The following DLG2 variants were observed in gnomAD, a reference collection of about 807,000 sequenced individuals.
The protein encoded by DLG2 is disks large homolog 2.
Under a neutral mutation model 132.5 loss-of-function variants are expected in DLG2, and 45 were observed. That is an observed-to-expected ratio of 0.34 (90% CI 0.27 to 0.44). The LOEUF is 0.44. Among genes scored for constraint, DLG2 ranks in the 20% least tolerant of loss-of-function variants. The pLI, the probability that DLG2 is intolerant of heterozygous loss-of-function variation, is 1.00. For missense variants in DLG2, 1,045 were observed against 1,196.9 expected (o/e 0.87, Z 1.87); for synonymous variants, 424 against 419.6 (o/e 1.01, Z -0.13).
intron 8 of DLG2, among the ~76,000 whole-genome samples, chr11:84,178,379 C>G (rs2096026621): frequency 6.6e-6 from 1 of 152,054 alleles, no homozygotes; most frequent in Admixed American, 6.6e-5. Context: ...GCTTTGAGAG[C>G]TCCTATATTT....
At chr11:84,171,694 G>T (rs2095827087) in intron 8 of DLG2, among the ~76,000 whole-genome samples, 1 of 152,074 alleles carries the variant, frequency 6.6e-6, no homozygotes, top group Non-Finnish European at 1.5e-5. Context: ...ATGAGTGCAG[G>T]TATCTTTTTG....
intron 19 of DLG2, among the ~76,000 whole-genome samples, chr11:83,545,568 G>A (rs752869142): frequency 2.0e-5 from 3 of 152,056 alleles, no homozygotes; most frequent in Non-Finnish European, 2.9e-5. Flanking sequence ...TTGAAAGCCC[G>A]TCTTCTTTCA....
At chr11:85,330,634 G>A (rs1187912502) in intron 3 of DLG2, among the ~76,000 whole-genome samples, 11 of 94,884 alleles carry the variant, frequency 1.2e-4, no homozygotes, top group Non-Finnish European at 1.5e-4. Flanking sequence ...TGGTGGGGTC[G>A]GGGGAGGGGG....
intron 8 of DLG2, among the ~76,000 whole-genome samples, chr11:84,184,814 T>G (rs1317644801): frequency 2.0e-5 from 3 of 152,074 alleles, no homozygotes; most frequent in African/African-American, 7.2e-5. Flanking sequence ...CCAGCACCAT[T>G]TATTAAATAG....
At chr11:83,846,059 G>A (rs1001123375) in intron 16 of DLG2, among the ~76,000 whole-genome samples, 2 of 152,188 alleles carry the variant, frequency 1.3e-5, no homozygotes, top group South Asian at 2.1e-4. Flanking sequence ...TACCAAATGA[G>A]TATTGTGGAT....
chr11:84,211,437 G>T (rs1413344744), intron 8 of DLG2, among the ~76,000 whole-genome samples: 1 of 152,108 alleles, frequency 6.6e-6, no homozygotes, highest in Non-Finnish European at 1.5e-5. Flanking sequence ...GAGAGATTGG[G>T]TCTTACTATG....
In DLG2 at chr11:85,387,031, G is replaced by GCACACACCAC. The variant is rs542326672; in HGVS notation, c.41-101676_41-101667dup. On this transcript the variant is annotated intron_variant, in intron 3 of 27. Coordinates refer to ENST00000376104, the MANE Select transcript of DLG2 (RefSeq NM_001142699.3). ...GCCTCCCTAGTAGCTTGGATTACAG[G>GCACACACCAC]CACACACCACCACACTCAGATAATT... is the stretch of plus-strand genomic sequence containing the variant. Among the ~76,000 whole-genome samples the GCACACACCAC allele has an allele frequency of 8.6e-3, 1,299 of 151,796 alleles. 16 individuals carry two copies. Among genetic ancestry groups the GCACACACCAC allele is most frequent in the African/African-American group, 0.03 (1,226 of 41,398 alleles).
chr11:84,494,284 C>A (rs2099174087), intron 7 of DLG2, among the ~76,000 whole-genome samples: 2 of 152,142 alleles, frequency 1.3e-5, no homozygotes, highest in Admixed American at 1.3e-4. Context: ...TGGCTTGAAC[C>A]ACTGTGCACC....
intron 6 of DLG2, among the ~76,000 whole-genome samples, chr11:84,826,902 A>G (rs1335504142): frequency 6.6e-6 from 1 of 151,858 alleles, no homozygotes; most frequent in African/African-American, 2.4e-5. Flanking sequence ...CCTTGTCTAT[A>G]TGGTAAAGTC....
At chr11:83,606,339 T>G (rs1423712127) in intron 19 of DLG2, among the ~76,000 whole-genome samples, 1 of 152,140 alleles carries the variant, frequency 6.6e-6, no homozygotes, top group Non-Finnish European at 1.5e-5. Flanking sequence ...AATTAGCTAA[T>G]CTGTATCTAT....
chr11:83,595,961 G>A (rs1594128359), intron 19 of DLG2, among the ~76,000 whole-genome samples: 2 of 152,078 alleles, frequency 1.3e-5, no homozygotes, highest in Non-Finnish European at 2.9e-5. Flanking sequence ...CAGATATTAA[G>A]GCAAGAAACT....
At chr11:83,725,771 T>C (rs2089881840) in intron 18 of DLG2, among the ~76,000 whole-genome samples, 3 of 152,244 alleles carry the variant, frequency 2.0e-5, no homozygotes, top group Admixed American at 2.0e-4. Context: ...GTGTGCTATA[T>C]ATGCATTTGA....
chr11:85,434,009 G>A (rs1231199064), intron 3 of DLG2, among the ~76,000 whole-genome samples: 2 of 152,116 alleles, frequency 1.3e-5, no homozygotes, highest in Non-Finnish European at 2.9e-5. Context: ...TCAGGATTAA[G>A]AGTTCTAACT....
chr11:85,539,499 AG>A (rs2075821615), intron 3 of DLG2, among the ~76,000 whole-genome samples: 1 of 152,142 alleles, frequency 6.6e-6, no homozygotes, highest in Non-Finnish European at 1.5e-5. Flanking sequence ...TACTAAGGAG[AG>A]GAAGAATTAG....
intron 7 of DLG2, among the ~76,000 whole-genome samples, chr11:84,320,642 T>C (rs1186859017): frequency 6.6e-6 from 1 of 152,228 alleles, no homozygotes. Context: ...TAAAGTATTT[T>C]AGGCTCTAAA....
Position 84,733,228 on chromosome 11 carries a change from A to G in DLG2, c.358-198497T>C, listed in dbSNP as rs562145548. Among the ~76,000 whole-genome samples the G allele has an allele frequency of 3.0e-3, 461 of 152,286 alleles. 1 individual carries two copies. The highest frequency in any genetic ancestry group is 5.6e-3 in the Non-Finnish European group (383 of 68,032). On this transcript the variant is annotated intron_variant, in intron 6 of 27. Coordinates refer to ENST00000376104, the MANE Select transcript of DLG2 (RefSeq NM_001142699.3). ...GAGGAATCGACACACTGACTTCCAC[A>G]ATGGTTGAACTAGTTTACAGACCCA...
chr11:84,038,113 C>A (rs964212039), intron 11 of DLG2, among the ~76,000 whole-genome samples: 11 of 152,040 alleles, frequency 7.2e-5, no homozygotes, highest in Non-Finnish European at 1.3e-4. Flanking sequence ...TGATCCTCTC[C>A]CTCCTTCCCG....
At chr11:85,111,869 A>G (rs2072813210) in intron 5 of DLG2, 134 bp from the exon 6 acceptor site, 1 of 609,470 alleles carries the variant, frequency 1.6e-6, no homozygotes, top group Non-Finnish European at 2.7e-6. Flanking sequence ...TTGTTGGTGC[A>G]ATGCTGCAGA....
At chr11:85,541,340 A>G (rs1289844156) in intron 3 of DLG2, among the ~76,000 whole-genome samples, 1 of 152,036 alleles carries the variant, frequency 6.6e-6, no homozygotes, top group Non-Finnish European at 1.5e-5. Context: ...TTCATTTTTA[A>G]TGACTTCATA....
Sources: gnomAD v4.1 joint callset for allele counts (sites outside exome capture counted in the v4.1 genomes callset) on GRCh38, gnomAD v4.1.1 for gene constraint, MANE v1.5 for transcripts, NCBI Gene and HGNC (gene_info 2026-07-23, HGNC 2026-07-21) for gene names.